The following CAPN2 variants were observed in gnomAD, a reference collection of about 807,000 sequenced individuals.
CAPN2 encodes the protein calpain 2, also known as calpain-2 catalytic subunit.
CAPN2 carries 92 observed loss-of-function variants against 102.3 expected under a neutral mutation model. The ratio of observed to expected loss-of-function variants is 0.90; its 90% CI spans 0.76 to 1.07. The LOEUF (loss-of-function observed/expected upper bound fraction) is 1.07. Among genes scored for constraint, CAPN2 ranks in the 50% least tolerant of loss-of-function variants. CAPN2 has a pLI of 0.00. For synonymous variants in CAPN2, 340 were observed against 355.4 expected (o/e 0.96, Z 0.49); for missense variants, 800 against 909.4 (o/e 0.88, Z 1.55).
At chr1:223,735,833 G>C (rs1035739286) in intron 2 of CAPN2, among the ~76,000 whole-genome samples, 1 of 151,802 alleles carries the variant, frequency 6.6e-6, no homozygotes, top group South Asian at 2.1e-4. Context: ...AGGCTGGAGT[G>C]AAGTGACGTA....
chr1:223,770,452 T>C lies in CAPN2; in HGVS notation c.1830T>C (p.Ile610=), dbSNP rs756295700. ...AGCTAACTTATGTGTTCCAGAAAAT[T>C]TACCGAGAAATCGACGTTGACAGGT... is the stretch of plus-strand genomic sequence containing the variant. ...LWTKIQKYQK[I]YREIDVDRSG... is the part of the protein sequence containing the mutation. The change falls in exon 18 of 21, where the codon ATT becomes ATC. Residue 610 remains isoleucine, a synonymous_variant. Coordinates refer to ENST00000295006, the MANE Select transcript of CAPN2 (RefSeq NM_001748.5). 9.3e-6 allele frequency: 15 copies of C among 1,613,086 alleles called. No individual in the cohort carries two copies. The African/African-American group carries it at 2.0e-4, about 22-fold the overall frequency.
chr1:223,733,448 T>A (rs1660379267), intron 2 of CAPN2, among the ~76,000 whole-genome samples: 1 of 152,166 alleles, frequency 6.6e-6, no homozygotes, highest in Non-Finnish European at 1.5e-5. Flanking sequence ...GGAAATTTAC[T>A]GACATGGCCC....
chr1:223,736,621 T>A (rs141175171), intron 2 of CAPN2, among the ~76,000 whole-genome samples: 11 of 152,244 alleles, frequency 7.2e-5, no homozygotes, highest in African/African-American at 2.6e-4. Context: ...GAACCCTACC[T>A]CTCCCATCTT....
In CAPN2 at chr1:223,756,323, TG is replaced by T. The variant is rs1310945672; in HGVS notation, c.1305+677del. Among the ~76,000 whole-genome samples the T allele has an allele frequency of 6.6e-6, 1 of 152,184 alleles. No individual in the cohort carries two copies. The highest frequency in any genetic ancestry group is 1.5e-5 in the Non-Finnish European group (1 of 68,030). The stretch of plus-strand genomic sequence containing the variant: ...TCTGCAAAACAAGAAAGAGCTTTCG[TG>T]GGCTGCAGGTAGCCATGCGAGGAGA... On this transcript the variant is annotated intron_variant, in intron 10 of 20. Coordinates refer to ENST00000295006, the MANE Select transcript of CAPN2 (RefSeq NM_001748.5). This position sits in a 1 kb window ranked among gnomAD's most constrained non-coding sequence, Gnocchi z 4.1.
In CAPN2 at chr1:223,752,021, C is replaced by T; in HGVS notation, c.924C>T (p.Asp308=). 1.2e-6 allele frequency: 2 copies of T among 1,612,672 alleles called. No individual in the cohort carries two copies. The highest frequency in any genetic ancestry group is 8.5e-7 in the Non-Finnish European group (1 of 1,178,974). The change falls in exon 8 of 21, where the codon GAC becomes GAT. Residue 308 remains aspartate, a synonymous_variant. Coordinates refer to ENST00000295006, the MANE Select transcript of CAPN2 (RefSeq NM_001748.5). ...GCTGCCCAAGCTGGAACACTATAGA[C>T]CCAGAGGAGAGGGAAAGGCTGACCA... is the stretch of plus-strand genomic sequence containing the variant. ...NDNCPSWNTI[D]PEERERLTRR... is the part of the protein sequence containing the mutation.
At position 223,755,698 on chromosome 1, in the gene CAPN2, A is replaced by C; in HGVS notation, c.1305+49A>C. The C allele has an allele frequency of 1.3e-5, 20 of 1,484,690 alleles. No homozygotes were observed. The highest frequency in any genetic ancestry group is 1.6e-5 in the Non-Finnish European group (18 of 1,110,386). The allele number at this position is 1,484,690 out of a possible 1,614,324, so 92.0% of individuals were successfully genotyped here. A position where few individuals can be genotyped will look rare whatever the true frequency, so the allele number is the denominator to read the frequency against. ...CCTCCCTTCCCCATGTGTTCATCTC[A>C]GCCCCTGCATGGAAAGCTGACCCCA... On this transcript the variant is annotated intron_variant, in intron 10 of 20. Transcript: ENST00000295006. This position sits in a 1 kb window ranked among gnomAD's most constrained non-coding sequence, Gnocchi z 4.1.
chr1:223,735,777 G>A (rs1298926076), intron 2 of CAPN2, among the ~76,000 whole-genome samples: 2 of 107,208 alleles, frequency 1.9e-5, no homozygotes, highest in Non-Finnish European at 4.1e-5. Flanking sequence ...TACTTGGGAC[G>A]TTTCTTTTCT....
intron 2 of CAPN2, among the ~76,000 whole-genome samples, chr1:223,736,377 G>T (rs972208161): frequency 3.9e-5 from 6 of 152,212 alleles, no homozygotes; most frequent in Admixed American, 1.3e-4. Flanking sequence ...GAGACAAAAA[G>T]ATGTGTGGGA....
chr1:223,712,942 C>T, intron 1 of CAPN2, 65 bp downstream of exon 1: 1 of 1,186,048 alleles, frequency 8.4e-7, no homozygotes, highest in Non-Finnish European at 1.1e-6. Flanking sequence ...GCAGGCCGGC[C>T]CGCGGCGCGC....
chr1:223,706,251 T>A (rs892303232), intron 1 of CAPN2, among the ~76,000 whole-genome samples: 12 of 152,170 alleles, frequency 7.9e-5, no homozygotes, highest in African/African-American at 2.9e-4. Context: ...GAGAAGCCTT[T>A]CCATGCCTCT....
chr1:223,759,113 A>G lies in CAPN2; in HGVS notation c.1318-157A>G. The G allele has an allele frequency of 1.5e-6, 1 of 685,076 alleles. No homozygotes were observed. The highest frequency in any genetic ancestry group is 1.7e-5 in the South Asian group (1 of 59,444). 42.4% of individuals were successfully genotyped at this position (685,076 alleles called of 1,614,324 possible). ...TAGATGAGGGCTTCCTGTGTTGCCC[A>G]GGCTGGTTTCTGACGCCTGGCCTCG... On this transcript the variant is annotated intron_variant, in intron 11 of 20. Transcript: ENST00000295006. This position sits in a 1 kb window ranked among gnomAD's most constrained non-coding sequence, Gnocchi z 4.6.
upstream of CAPN2, among the ~76,000 whole-genome samples, chr1:223,709,725 T>C (rs1246839365): frequency 2.0e-5 from 3 of 151,550 alleles, no homozygotes; most frequent in African/African-American, 7.3e-5. Flanking sequence ...TTATAACTGG[T>C]TCAAAGGAGA....
In CAPN2 at chr1:223,717,775, A is replaced by AC. The variant is rs752148605; in HGVS notation, c.256dup (p.Gln86ProfsTer19). The AC allele has an allele frequency of 1.5e-5, 24 of 1,613,658 alleles. No homozygotes were observed. On this transcript the variant is annotated frameshift_variant, in exon 2 of 21. Coordinates refer to ENST00000295006, the MANE Select transcript of CAPN2 (RefSeq NM_001748.5). LOFTEE classifies it high-confidence loss of function. ...TCTCGTTCCCAGGAGATCTGCGCTG[A>AC]CCCCCAGTTTATCATTGGAGGAGCC...
At chr1:223,717,422 G>C (rs749669216) in intron 1 of CAPN2, among the ~76,000 whole-genome samples, 2 of 152,146 alleles carry the variant, frequency 1.3e-5, no homozygotes, top group African/African-American at 4.8e-5. Context: ...GGATAGGGTG[G>C]CTCTAGAGTG....
At chr1:223,740,386 A>G (rs1376050326) in intron 2 of CAPN2, among the ~76,000 whole-genome samples, 3 of 152,194 alleles carry the variant, frequency 2.0e-5, no homozygotes, top group African/African-American at 7.2e-5. Context: ...AACAAAGGAG[A>G]CAGGGTCATT....
At position 223,741,466 on chromosome 1, in the gene CAPN2, A is replaced by ATTTT. The variant is rs1336437808; in HGVS notation, c.308-2633_308-2632insTTTT. ...TATATATATATATATATATATATATATATTTGAGAGGGAGTCTCATTCTTG... is the reference window on the plus strand; with the variant it reads ...TATATATATATATATATATATATATATTTTTATTTGAGAGGGAGTCTCATTCTTG... On this transcript the variant is annotated intron_variant, in intron 2 of 20. Transcript: ENST00000295006. Among the ~76,000 whole-genome samples, 11 of 139,070 alleles carry ATTTT rather than the reference A, an allele frequency of 7.9e-5. No individual in the cohort carries two copies. The East Asian group carries it at 2.8e-3, about 36-fold the overall frequency. The allele number at this position is 139,070 out of a possible 152,430, so 91.2% of individuals were successfully genotyped here.
At chr1:223,711,888 C>T (rs980749433), upstream of CAPN2, among the ~76,000 whole-genome samples, 1 of 152,226 alleles carries the variant, frequency 6.6e-6, no homozygotes, top group Admixed American at 6.5e-5. Context: ...TGAACTACCG[C>T]ACCCAGCCTT....
intron 2 of CAPN2, among the ~76,000 whole-genome samples, chr1:223,723,987 T>TAAA (rs1042836939): frequency 2.6e-5 from 4 of 151,860 alleles, no homozygotes; most frequent in African/African-American, 9.7e-5. Context: ...GGTGCCTCTT[T>TAAA]AGATTTTCCA....
chr1:223,735,980 A>G (rs374057058), intron 2 of CAPN2, among the ~76,000 whole-genome samples: 77 of 152,116 alleles, frequency 5.1e-4, no homozygotes, highest in African/African-American at 1.6e-3. Flanking sequence ...GGGTTTCACT[A>G]TGTTGGCCAG....
Sources: allele counts gnomAD v4.1 joint callset (sites outside exome capture counted in the v4.1 genomes callset), GRCh38; gene constraint gnomAD v4.1.1; non-coding constraint Gnocchi (gnomAD v3.1); transcripts MANE v1.5; gene names NCBI Gene and HGNC (gene_info 2026-07-23, HGNC 2026-07-21).